Variants in ARHGAP12 observed in about 807,000 individuals in gnomAD.
ARHGAP12 encodes rho GTPase-activating protein 12.
Under a neutral mutation model 108.6 loss-of-function variants are expected in ARHGAP12, and 64 were observed. The ratio of observed to expected loss-of-function variants is 0.59; its 90% CI spans 0.48 to 0.73. The LOEUF is 0.73. Among genes scored for constraint, ARHGAP12 ranks in the 30% least tolerant of loss-of-function variants. The pLI is 0.00. For synonymous variants in ARHGAP12, 312 were observed against 337.2 expected, an observed-to-expected ratio of 0.93 and a Z score of 0.82; for missense variants, 940 against 1,005.9, an observed-to-expected ratio of 0.93 and a Z score of 0.89.
chr10:31,812,190 T>C (rs1459857938), intron 15 of ARHGAP12, among the ~76,000 whole-genome samples: 2 of 152,194 alleles, frequency 1.3e-5, no homozygotes, highest in Non-Finnish European at 2.9e-5. Flanking sequence ...AGTAATGTGA[T>C]TTTTTTAAAG....
At chr10:31,812,658 A>G (rs1427270789) in intron 15 of ARHGAP12, 49 bp downstream of exon 15, 8 of 1,147,840 alleles carry the variant, frequency 7.0e-6, no homozygotes, top group Admixed American at 2.3e-5. Context: ...CATTTTATTT[A>G]TGACGTAGGC....
chr10:31,894,637 T>C (rs938389466), intron 3 of ARHGAP12, among the ~76,000 whole-genome samples: 3 of 152,168 alleles, frequency 2.0e-5, no homozygotes, highest in Admixed American at 6.5e-5. Flanking sequence ...TGCTCATGGA[T>C]AGGAAGAATC....
At chr10:31,896,083 C>G (rs1052980375) in intron 3 of ARHGAP12, among the ~76,000 whole-genome samples, 3 of 150,914 alleles carry the variant, frequency 2.0e-5, no homozygotes, top group Non-Finnish European at 4.4e-5. Context: ...ACACCGGGGC[C>G]TGTTGTGGGG....
intron 3 of ARHGAP12, among the ~76,000 whole-genome samples, chr10:31,886,174 T>A (rs1322586386): frequency 2.0e-5 from 3 of 152,156 alleles, no homozygotes; most frequent in East Asian, 3.9e-4. Context: ...ATGCAAAAAA[T>A]TTTCCACATC....
intron 16 of ARHGAP12, 116 bp downstream of exon 16, chr10:31,810,533 T>C: frequency 3.0e-6 from 2 of 661,506 alleles, no homozygotes; most frequent in Non-Finnish European, 5.1e-6. Flanking sequence ...ATCTTAGGAC[T>C]ATAAGGAACT....
At chr10:31,912,286 G>GT (rs1477572226) in intron 1 of ARHGAP12, among the ~76,000 whole-genome samples, 2 of 152,158 alleles carry the variant, frequency 1.3e-5, no homozygotes, top group African/African-American at 4.8e-5. Context: ...TTTTCAAAAG[G>GT]TTACAGCAGC....
intron 10 of ARHGAP12, among the ~76,000 whole-genome samples, chr10:31,829,447 A>T (rs182318454): frequency 3.9e-5 from 6 of 152,296 alleles, no homozygotes; most frequent in Admixed American, 1.3e-4. Flanking sequence ...ATGTACACTT[A>T]AAAATGGTTA....
At chr10:31,889,666 A>G (rs1838339826) in intron 3 of ARHGAP12, among the ~76,000 whole-genome samples, 1 of 114,596 alleles carries the variant, frequency 8.7e-6, no homozygotes, top group African/African-American at 3.6e-5. Flanking sequence ...TCGCTCTGTC[A>G]TGCATGCTGG....
intron 3 of ARHGAP12, 38 bp downstream of exon 3, chr10:31,908,134 G>C: frequency 3.3e-6 from 5 of 1,498,252 alleles, no homozygotes; most frequent in Non-Finnish European, 4.5e-6. Context: ...TTTTCACTAG[G>C]GTGGTACAGT....
chr10:31,843,165 A>G lies in ARHGAP12; in HGVS notation c.1296+296T>C, dbSNP rs189876000. On this transcript the variant is annotated intron_variant, in intron 7 of 19. Coordinates refer to ENST00000344936, the MANE Select transcript of ARHGAP12 (RefSeq NM_018287.7). ...ATCAAGGTACACACATCAGTAAGCT[A>G]CAGATAAGTCAGTCTATTGTGCAAA... Among the ~76,000 whole-genome samples, 104 of 152,254 alleles carry G rather than the reference A, an allele frequency of 6.8e-4. 3 individuals carry two copies. The highest frequency in any genetic ancestry group is 6.3e-3 in the Admixed American group (97 of 15,284).
intron 7 of ARHGAP12, among the ~76,000 whole-genome samples, chr10:31,843,166 C>G (rs1392214889): frequency 6.6e-6 from 1 of 152,086 alleles, no homozygotes; most frequent in Non-Finnish European, 1.5e-5. Context: ...CAGTAAGCTA[C>G]AGATAAGTCA....
In ARHGAP12 at chr10:31,818,182, C is replaced by T. The variant is rs79487500; in HGVS notation, c.1633-296G>A. On this transcript the variant is annotated intron_variant, in intron 12 of 19. Coordinates refer to ENST00000344936, the MANE Select transcript of ARHGAP12 (RefSeq NM_018287.7). ...GCCATAAAACCTGCTGAAACTAGTA[C>T]GTTTATCACTTAAAAATCTGTTCAA... Among the ~76,000 whole-genome samples the T allele has an allele frequency of 2.5e-3, 374 of 152,234 alleles. 3 individuals are homozygous for T. Among genetic ancestry groups the T allele is most frequent in the African/African-American group, 8.2e-3 (341 of 41,552 alleles).
rs767928468 is a variant in ARHGAP12 at position 31,806,298 on chromosome 10, T to A, written c.*1360A>T. The A allele has an allele frequency of 6.6e-6, 1 of 152,580 alleles. No homozygotes were observed. The highest frequency in any genetic ancestry group is 2.4e-5 in the African/African-American group (1 of 41,454). 9.5% of individuals were successfully genotyped at this position (152,580 alleles called of 1,614,324 possible). On this transcript the variant is annotated 3_prime_UTR_variant, in exon 20 of 20. Coordinates refer to ENST00000344936, the MANE Select transcript of ARHGAP12 (RefSeq NM_018287.7). ...TAGAAACCAAAATGCACATTTCCAATGGAAAAATCTCTAAACCTCTTATAG... is the reference window on the plus strand; with the variant it reads ...TAGAAACCAAAATGCACATTTCCAAAGGAAAAATCTCTAAACCTCTTATAG...
intron 14 of ARHGAP12, among the ~76,000 whole-genome samples, chr10:31,813,105 C>T (rs1207157221): frequency 6.6e-6 from 1 of 152,114 alleles, no homozygotes; most frequent in Admixed American, 6.6e-5. Context: ...CCCTAATTTA[C>T]TCTAACATAT....
At chr10:31,814,136 T>C in intron 14 of ARHGAP12, 123 bp downstream of exon 14, 1 of 760,288 alleles carries the variant, frequency 1.3e-6, no homozygotes, top group East Asian at 2.5e-5. Flanking sequence ...TGCACTTGGT[T>C]AACTGCACAG....
chr10:31,908,724 T>A lies in ARHGAP12; in HGVS notation c.132A>T (p.Lys44Asn). The A allele has an allele frequency of 6.2e-7, 1 of 1,614,132 alleles. No individual in the cohort carries two copies. The highest frequency in any genetic ancestry group is 8.5e-7 in the Non-Finnish European group (1 of 1,180,032). Residue 44 changes from lysine (K) to asparagine (N), a missense_variant, in exon 3 of 20, where the codon AAA (lysine) becomes AAT (asparagine). Lys to Asn is a moderately conservative substitution (Grantham distance 94, BLOSUM62 0). Coordinates refer to ENST00000344936, the MANE Select transcript of ARHGAP12 (RefSeq NM_018287.7). ...CTTGCCACCAGTCATCATTGGTCTT[T>A]TTCACCAAGATGTACCTCTCCCCTT... Reference protein sequence around the residue: ...IKQGERYILVKKTNDDWWQVK... With the variant: ...IKQGERYILVNKTNDDWWQVK...
intron 1 of ARHGAP12, among the ~76,000 whole-genome samples, chr10:31,921,052 G>A (rs1344740583): frequency 6.6e-6 from 1 of 152,098 alleles, no homozygotes; most frequent in Non-Finnish European, 1.5e-5. Context: ...GGAGGTGGGA[G>A]GATCACTTGA....
chr10:31,876,405 G>A (rs1452333915), intron 3 of ARHGAP12, among the ~76,000 whole-genome samples: 3 of 152,032 alleles, frequency 2.0e-5, no homozygotes, highest in African/African-American at 7.2e-5. Context: ...TGTAATCCCA[G>A]CTATTGAGGC....
At chr10:31,892,256 A>C (rs1238158180) in intron 3 of ARHGAP12, among the ~76,000 whole-genome samples, 1 of 152,190 alleles carries the variant, frequency 6.6e-6, no homozygotes, top group Non-Finnish European at 1.5e-5. Context: ...ATTCACACAT[A>C]ACAATATTAA....
Sources: gnomAD v4.1 joint callset for allele counts (sites outside exome capture counted in the v4.1 genomes callset) on GRCh38, gnomAD v4.1.1 for gene constraint, MANE v1.5 for transcripts, NCBI Gene and HGNC (gene_info 2026-07-23, HGNC 2026-07-21) for gene names.